Variants in MAPK4 observed in about 807,000 individuals in gnomAD.
The protein encoded by MAPK4 is mitogen-activated protein kinase 4.
MAPK4 carries 22 observed loss-of-function variants against 47.7 expected under a neutral mutation model. The ratio of observed to expected loss-of-function variants is 0.46; its 90% CI spans 0.33 to 0.66. The LOEUF is 0.66. Among genes scored for constraint, MAPK4 ranks in the 30% least tolerant of loss-of-function variants. The probability of loss-of-function intolerance (pLI) is 0.02; values close to 1 mark genes in which losing one functional copy is unlikely to be tolerated. For synonymous variants in MAPK4, 390 were observed against 365.7 expected, an observed-to-expected ratio of 1.07 and a Z score of -0.76; for missense variants, 736 against 831.7, an observed-to-expected ratio of 0.88 and a Z score of 1.42.
At chr18:50,707,606 A>C (rs1910130896) in intron 2 of MAPK4, among the ~76,000 whole-genome samples, 1 of 149,502 alleles carries the variant, frequency 6.7e-6, no homozygotes, top group Admixed American at 6.7e-5. Context: ...CTGGAGATGG[A>C]TGGTGGCGAT....
At chr18:50,567,227 C>T (rs1398669549) in intron 1 of MAPK4, among the ~76,000 whole-genome samples, 3 of 152,114 alleles carry the variant, frequency 2.0e-5, no homozygotes, top group African/African-American at 7.2e-5. Context: ...TCTTCTAATG[C>T]TATCCCTCCC....
intron 1 of MAPK4, among the ~76,000 whole-genome samples, chr18:50,600,201 C>G (rs2042522834): frequency 6.6e-6 from 1 of 152,208 alleles, no homozygotes; most frequent in Admixed American, 6.5e-5. Flanking sequence ...GCTTTGTCTC[C>G]CAGTGACTAG....
chr18:50,670,965 C>G (rs1453955479), intron 2 of MAPK4, among the ~76,000 whole-genome samples: 1 of 152,146 alleles, frequency 6.6e-6, no homozygotes, highest in Non-Finnish European at 1.5e-5. Context: ...AACCATTGAC[C>G]CAAAGACATG....
At chr18:50,584,553 T>C (rs1249359321) in intron 1 of MAPK4, among the ~76,000 whole-genome samples, 1 of 152,244 alleles carries the variant, frequency 6.6e-6, no homozygotes, top group Non-Finnish European at 1.5e-5. Flanking sequence ...AATTGTGTAT[T>C]GTTCCCTAGC....
Position 50,663,841 on chromosome 18 carries a change from C to T in MAPK4, c.-118C>T. On this transcript the variant is annotated 5_prime_UTR_variant, in exon 2 of 6. Coordinates refer to ENST00000400384, the MANE Select transcript of MAPK4 (RefSeq NM_002747.4). ...GCAGTGACCTCACTAGGAGAAAACA[C>T]ATCCCTCAGCCGTGGGACTTGACAG... The T allele has an allele frequency of 3.5e-6, 3 of 852,610 alleles. No homozygotes were observed. Among genetic ancestry groups the T allele is most frequent in the Non-Finnish European group, 5.5e-6 (3 of 549,912 alleles). The allele number at this position is 852,610 out of a possible 1,614,324, so 52.8% of individuals were successfully genotyped here.
At chr18:50,679,289 G>A (rs1365852838) in intron 2 of MAPK4, among the ~76,000 whole-genome samples, 1 of 152,252 alleles carries the variant, frequency 6.6e-6, no homozygotes, top group East Asian at 1.9e-4. Context: ...TCTTAGCCAC[G>A]TTTTCTTGTC....
chr18:50,729,104 C>T, intron 5 of MAPK4, 54 bp from the exon 6 acceptor site: 1 of 1,464,044 alleles, frequency 6.8e-7, no homozygotes, highest in Admixed American at 2.1e-5. Flanking sequence ...TGGCTCCCTC[C>T]CGGAAGCTAC....
intron 2 of MAPK4, among the ~76,000 whole-genome samples, chr18:50,690,657 T>C (rs1194345145): frequency 6.6e-6 from 1 of 152,214 alleles, no homozygotes; most frequent in African/African-American, 2.4e-5. Flanking sequence ...AGAAAGTCTA[T>C]GTGTTTGTAT....
chr18:50,640,729 G>A (rs1015385233), intron 1 of MAPK4, among the ~76,000 whole-genome samples: 2 of 152,162 alleles, frequency 1.3e-5, no homozygotes, highest in Non-Finnish European at 2.9e-5. Context: ...GCCTACCAAA[G>A]TGCTGGGATT....
chr18:50,675,416 A>T (rs571345734), intron 2 of MAPK4, among the ~76,000 whole-genome samples: 1 of 150,734 alleles, frequency 6.6e-6, no homozygotes, highest in African/African-American at 2.4e-5. Context: ...TCCCGGGTTC[A>T]TGCGATTCTC....
chr18:50,615,158 G>C (rs1479043607), intron 1 of MAPK4, among the ~76,000 whole-genome samples: 1 of 152,160 alleles, frequency 6.6e-6, no homozygotes, highest in African/African-American at 2.4e-5. Context: ...CCAGCACTGG[G>C]TCCTGAGCCA....
chr18:50,635,400 A>G (rs574628110), intron 1 of MAPK4, among the ~76,000 whole-genome samples: 1 of 152,106 alleles, frequency 6.6e-6, no homozygotes, highest in South Asian at 2.1e-4. Flanking sequence ...ATATCTATGC[A>G]TTCATTTCTA....
chr18:50,625,750 G>C (rs1237585999), intron 1 of MAPK4, among the ~76,000 whole-genome samples: 1 of 152,064 alleles, frequency 6.6e-6, no homozygotes, highest in Non-Finnish European at 1.5e-5. Context: ...AGAAAGAAGA[G>C]ATAGAAAATA....
intron 4 of MAPK4, among the ~76,000 whole-genome samples, chr18:50,723,864 C>A (rs75451435): frequency 1.3e-3 from 166 of 131,948 alleles, no homozygotes; most frequent in African/African-American, 2.1e-3. Flanking sequence ...GACCCTGTCT[C>A]AAAAAAAAAA....
chr18:50,604,867 G>C (rs2042569410), intron 1 of MAPK4, among the ~76,000 whole-genome samples: 1 of 152,234 alleles, frequency 6.6e-6, no homozygotes, highest in African/African-American at 2.4e-5. Context: ...TCTGGACTCT[G>C]ACTTGTCTTG....
intron 1 of MAPK4, among the ~76,000 whole-genome samples, chr18:50,631,503 A>G (rs1333591686): frequency 1.2e-4 from 19 of 152,218 alleles, no homozygotes; most frequent in South Asian, 4.1e-4. Flanking sequence ...TGTAACTACC[A>G]TGAATAAAGA....
In MAPK4 at chr18:50,691,516, C is replaced by T. The variant is rs150088206; in HGVS notation, c.547-23563C>T. 3.3e-5 allele frequency among the ~76,000 whole-genome samples: 5 copies of T among 152,280 alleles called. No individual in the cohort carries two copies. The East Asian group carries it at 5.8e-4, about 18-fold the overall frequency. On this transcript the variant is annotated intron_variant, in intron 2 of 5. Transcript: ENST00000400384. ...AGAAAACGTAAAGATCATGAAGACC[C>T]GTGCCATTCAACTTAACAAATCCTG... is the stretch of plus-strand genomic sequence containing the variant.
chr18:50,570,538 C>T (rs1225004278), intron 1 of MAPK4, among the ~76,000 whole-genome samples: 1 of 152,126 alleles, frequency 6.6e-6, no homozygotes, highest in Non-Finnish European at 1.5e-5. Context: ...TCCATTCAAA[C>T]TGGACCCCAA....
At chr18:50,593,643 C>T (rs555691828) in intron 1 of MAPK4, among the ~76,000 whole-genome samples, 1 of 152,268 alleles carries the variant, frequency 6.6e-6, no homozygotes, top group African/African-American at 2.4e-5. Flanking sequence ...ACAACTAAAT[C>T]CACTCCCCTA....
Sources: gnomAD v4.1 joint callset for allele counts (sites outside exome capture counted in the v4.1 genomes callset) on GRCh38, gnomAD v4.1.1 for gene constraint, MANE v1.5 for transcripts, NCBI Gene and HGNC (gene_info 2026-07-23, HGNC 2026-07-21) for gene names.